Variants in ARFGEF2 observed in about 807,000 individuals in gnomAD.
The protein encoded by ARFGEF2 is brefeldin A-inhibited guanine nucleotide-exchange protein 2.
In ARFGEF2, 74 loss-of-function variants were observed where a neutral mutation model predicts 219.9. The observed-to-expected ratio is 0.34, with a 90% confidence interval of 0.28 to 0.41. The LOEUF is 0.41. Among genes scored for constraint, ARFGEF2 ranks in the 10% least tolerant of loss-of-function variants. The pLI is 1.00. For synonymous variants in ARFGEF2, 733 were observed against 799.2 expected, an observed-to-expected ratio of 0.92 and a Z score of 1.40; for missense variants, 1,743 against 2,218.3, an observed-to-expected ratio of 0.79 and a Z score of 4.30.
At chr20:48,972,696 A>C (rs972235629) in intron 11 of ARFGEF2, among the ~76,000 whole-genome samples, 1 of 152,178 alleles carries the variant, frequency 6.6e-6, no homozygotes, top group Non-Finnish European at 1.5e-5. Flanking sequence ...CGTTACCTAC[A>C]AGCTGAGTAC....
intron 6 of ARFGEF2, among the ~76,000 whole-genome samples, chr20:48,959,555 T>TTTTC (rs2091131417): frequency 7.3e-5 from 3 of 41,110 alleles, no homozygotes; most frequent in Non-Finnish European, 1.4e-4. Context: ...CCCTCCTTCC[T>TTTTC]TCCCTCCCTC....
At chr20:48,992,664 C>T (rs2091363522) in intron 21 of ARFGEF2, among the ~76,000 whole-genome samples, 1 of 152,216 alleles carries the variant, frequency 6.6e-6, no homozygotes, top group Non-Finnish European at 1.5e-5. Flanking sequence ...GTGTTACCTG[C>T]TGTCATCTCC....
In ARFGEF2 at chr20:49,032,054, GC is replaced by G; in HGVS notation, c.5070del (p.Cys1690Ter). 6.2e-7 allele frequency: 1 copy of G among 1,611,528 alleles called. No homozygotes were observed. The highest frequency in any genetic ancestry group is 8.5e-7 in the Non-Finnish European group (1 of 1,177,684). ...CCCCTCTCTAATTCTTCTAGTGTTT[GC>G]AGTGAAGCTCTTGCCTATTTCATCA... Reference protein sequence around the residue: ...EEIQQRLLTVCSEALAYFITV... With the variant: ...EEIQQRLLTVXSEALAYFITV... On this transcript the variant is annotated frameshift_variant, in exon 38 of 39. Transcript: ENST00000371917. LOFTEE classifies it high-confidence loss of function.
At chr20:48,996,527 A>G (rs2091389067) in intron 23 of ARFGEF2, among the ~76,000 whole-genome samples, 1 of 151,986 alleles carries the variant, frequency 6.6e-6, no homozygotes, top group South Asian at 2.1e-4. Context: ...TCACAAGGTC[A>G]GGAAATCGAG....
At position 49,033,094 on chromosome 20, in the gene ARFGEF2, C is replaced by T. The variant is rs1309682966; in HGVS notation, c.5253C>T (p.Leu1751=). 4 of 1,614,212 alleles carry T rather than the reference C, an allele frequency of 2.5e-6. No homozygotes were observed. The highest frequency in any genetic ancestry group is 3.4e-6 in the Non-Finnish European group (4 of 1,180,034). The change falls in exon 39 of 39, where the codon CTC becomes CTT. Residue 1751 remains leucine (L), a synonymous_variant. Coordinates refer to ENST00000371917, the MANE Select transcript of ARFGEF2 (RefSeq NM_006420.3). Reference sequence around the variant, plus strand: ...TGCAGTTTGACCTGATCCCTGAGCTCCGAGCAGTTCTGCGGAAGTTCTTCC... The same window carrying T: ...TGCAGTTTGACCTGATCCCTGAGCTTCGAGCAGTTCTGCGGAAGTTCTTCC... The part of the protein sequence containing the change: ...EIMQFDLIPE[L]RAVLRKFFLR...
intron 28 of ARFGEF2, 137 bp from the exon 29 acceptor site, chr20:49,013,427 T>C: frequency 9.4e-7 from 1 of 1,062,600 alleles, no homozygotes. Context: ...TTGTGTAGTC[T>C]GTTCCCACTG....
At position 49,036,502 on chromosome 20, in the gene ARFGEF2, A is replaced by C; in HGVS notation, c.*3303A>C. On this transcript the variant is annotated 3_prime_UTR_variant, in exon 39 of 39. Transcript: ENST00000371917. ...TGGTTTAACCTATACACAATGATTA[A>C]GTGCATTTAATATTGGTAATTTAAT... The C allele has an allele frequency of 2.9e-6, 1 of 344,306 alleles. No homozygotes were observed. Among genetic ancestry groups the C allele is most frequent in the Non-Finnish European group, 5.2e-6 (1 of 193,290 alleles). The allele number at this position is 344,306 out of a possible 1,614,324, so 21.3% of individuals were successfully genotyped here. A position where few individuals can be genotyped will look rare whatever the true frequency, so the allele number is the denominator to read the frequency against.
intron 1 of ARFGEF2, among the ~76,000 whole-genome samples, chr20:48,929,039 A>G (rs1371004130): frequency 6.6e-6 from 1 of 152,222 alleles, no homozygotes; most frequent in Non-Finnish European, 1.5e-5. Context: ...CTTAATCAGC[A>G]AGAACATGGA....
At chr20:49,010,129 C>A in intron 26 of ARFGEF2, 103 bp from the exon 27 acceptor site, 1 of 1,406,010 alleles carries the variant, frequency 7.1e-7, no homozygotes, top group Non-Finnish European at 9.7e-7. Flanking sequence ...TTGCTGTGTG[C>A]TATAAGAAAT....
chr20:48,972,520 T>C, intron 11 of ARFGEF2, 95 bp downstream of exon 11: 1 of 1,005,994 alleles, frequency 9.9e-7, no homozygotes, highest in South Asian at 1.3e-5. Flanking sequence ...TTTAGAGTTT[T>C]AAAGGATTGG....
intron 6 of ARFGEF2, among the ~76,000 whole-genome samples, chr20:48,958,476 G>A (rs1306140681): frequency 1.3e-5 from 2 of 149,828 alleles, no homozygotes; most frequent in Non-Finnish European, 3.0e-5. Context: ...TCGCTCTGTC[G>A]CCCAGGCTGG....
rs1175134439 is a variant in ARFGEF2, at chr20:49,011,910, T to C, written c.3758-14T>C. 2 of 1,614,070 alleles carry C rather than the reference T, an allele frequency of 1.2e-6. No homozygotes were observed. The highest frequency in any genetic ancestry group is 1.7e-5 in the Admixed American group (1 of 60,002). On this transcript the variant is annotated splice_polypyrimidine_tract_variant and intron_variant, in intron 27 of 38. Transcript: ENST00000371917. ...ATCCTGGTCTTATGAAAAATGTGCC[T>C]TGTGTTCCCCCAGCAACTATTTTCC...
At chr20:48,941,124 A>G in intron 1 of ARFGEF2, 75 bp from the exon 2 acceptor site, 1 of 1,387,718 alleles carries the variant, frequency 7.2e-7, no homozygotes, top group East Asian at 2.4e-5. Flanking sequence ...GTGGTCTCCA[A>G]ATATCTTTTA....
chr20:48,975,800 CA>C (rs1057511883), intron 13 of ARFGEF2, among the ~76,000 whole-genome samples: 120 of 111,924 alleles, frequency 1.1e-3, no homozygotes, highest in Admixed American at 1.4e-3. Flanking sequence ...GACTCCATCT[CA>C]AAAAAAAAAA....
chr20:49,026,516 T>C (rs531021749), intron 36 of ARFGEF2, among the ~76,000 whole-genome samples: 1 of 151,964 alleles, frequency 6.6e-6, no homozygotes, highest in Non-Finnish European at 1.5e-5. Context: ...GGTGGGATTC[T>C]CATTATTTTG....
chr20:48,954,363 A>G (rs2091092706), intron 6 of ARFGEF2, among the ~76,000 whole-genome samples: 1 of 152,224 alleles, frequency 6.6e-6, no homozygotes, highest in African/African-American at 2.4e-5. Context: ...AGTAAATGAA[A>G]TGAAATACTG....
chr20:48,985,736 G>A (rs1280511473), intron 16 of ARFGEF2, 123 bp downstream of exon 16: 15 of 1,055,056 alleles, frequency 1.4e-5, no homozygotes, highest in African/African-American at 4.7e-5. Context: ...TTTGTTTACC[G>A]TGTGCCAGGC....
intron 13 of ARFGEF2, 40 bp from the exon 14 acceptor site, chr20:48,975,976 A>G (rs773087717): frequency 1.9e-6 from 3 of 1,609,908 alleles, no homozygotes; most frequent in East Asian, 2.2e-5. Flanking sequence ...TCTGTGTCCC[A>G]CTTGCTTATT....
intron 10 of ARFGEF2, among the ~76,000 whole-genome samples, 190 bp from the exon 11 acceptor site, chr20:48,972,136 C>T (rs2091232256): frequency 6.6e-6 from 1 of 152,178 alleles, no homozygotes; most frequent in South Asian, 2.1e-4. Context: ...CCCCAGTGGG[C>T]CCCACCCTGC....
Sources: gnomAD v4.1 joint callset for allele counts (sites outside exome capture counted in the v4.1 genomes callset) on GRCh38, gnomAD v4.1.1 for gene constraint, MANE v1.5 for transcripts, NCBI Gene and HGNC (gene_info 2026-07-23, HGNC 2026-07-21) for gene names.